Variants in USP9X observed in about 807,000 individuals in gnomAD.
USP9X encodes the protein ubiquitin carboxyl-terminal hydrolase 9X.
In USP9X, 7 loss-of-function variants were observed where a neutral mutation model predicts 190.3. That is an observed-to-expected ratio of 0.04 (90% CI 0.02 to 0.07). USP9X has a LOEUF of 0.07. Among genes scored for constraint, USP9X ranks in the 10% least tolerant of loss-of-function variants. The pLI, the probability that USP9X is intolerant of heterozygous loss-of-function variation, is 1.00. For missense variants in USP9X, 1,010 were observed against 1,916.9 expected (o/e 0.53, Z 8.83); for synonymous variants, 645 against 659.5 (o/e 0.98, Z 0.34).
intron 14 of USP9X, among the ~76,000 whole-genome samples, chrX:41,153,322 T>C (rs902081510): frequency 8.9e-6 from 1 of 111,837 alleles, no homozygotes; most frequent in Non-Finnish European, 1.9e-5. Flanking sequence ...CTGCCTTTTT[T>C]ACGATTGATC....
At chrX:41,160,007 A>G (rs1218295519) in intron 14 of USP9X, among the ~76,000 whole-genome samples, 2 of 106,065 alleles carry the variant, frequency 1.9e-5, no homozygotes, top group East Asian at 5.9e-4. Flanking sequence ...GTACTTTATG[A>G]CTCGATGTTT....
chrX:41,214,744 C>T lies in USP9X; in HGVS notation c.5331+35C>T, dbSNP rs772898818. The T allele has an allele frequency of 8.6e-6, 10 of 1,161,462 alleles. No homozygotes were observed. The South Asian group carries it at 1.6e-4, about 19-fold the overall frequency. ...GTCCAGTTTTGTTTAATTTTGATTA[C>T]ATTTAATGGATTTAGAAGAAATTGG... is the stretch of plus-strand genomic sequence containing the variant. On this transcript the variant is annotated intron_variant, in intron 34 of 44. Coordinates refer to ENST00000378308, the MANE Select transcript of USP9X (RefSeq NM_001039591.3).
intron 38 of USP9X, among the ~76,000 whole-genome samples, chrX:41,222,210 G>A (rs943654756): frequency 8.9e-6 from 1 of 111,854 alleles, no homozygotes; most frequent in African/African-American, 3.3e-5. Context: ...CGTGAGCGTG[G>A]GCTAGATCAT....
chrX:41,195,245 T>C (rs1328715415), intron 26 of USP9X, among the ~76,000 whole-genome samples: 7 of 110,618 alleles, frequency 6.3e-5, no homozygotes, highest in Non-Finnish European at 9.5e-5. Context: ...CCATGTTGGC[T>C]AGGATGGTCT....
Position 41,189,481 on chromosome X carries a change from T to C in USP9X, c.3977+6T>C. 8.5e-7 allele frequency: 1 copy of C among 1,179,191 alleles called. No homozygotes were observed. The highest frequency in any genetic ancestry group is 1.1e-6 in the Non-Finnish European group (1 of 878,055). Reference sequence around the variant, plus strand: ...CTATTGCACTGTCACAGCAAGTAAGTATCTTTTTTAATTGTAAGAAACTTA... The same window carrying C: ...CTATTGCACTGTCACAGCAAGTAAGCATCTTTTTTAATTGTAAGAAACTTA... On this transcript the variant is annotated splice_donor_region_variant and intron_variant, in intron 26 of 44. Transcript: ENST00000378308.
chrX:41,214,567 G>T lies in USP9X; in HGVS notation c.5190-1G>T. 8.7e-7 allele frequency: 1 copy of T among 1,155,675 alleles called. No homozygotes were observed. Among genetic ancestry groups the T allele is most frequent in the Non-Finnish European group, 1.1e-6 (1 of 873,190 alleles). ...AAATCCTTTTTTTAAATCGTTTTTAGGTACGAATGTGAAGAATCTTTTACG... is the reference window on the plus strand; with the variant it reads ...AAATCCTTTTTTTAAATCGTTTTTATGTACGAATGTGAAGAATCTTTTACG... On this transcript the variant is annotated splice_acceptor_variant, in intron 33 of 44. Transcript: ENST00000378308. LOFTEE classifies it high-confidence loss of function.
chrX:41,151,623 G>A (rs1220592045), intron 13 of USP9X, among the ~76,000 whole-genome samples: 2 of 112,249 alleles, frequency 1.8e-5, no homozygotes, highest in Non-Finnish European at 3.8e-5. Context: ...TCACAGTGGA[G>A]TCAGGATTCC....
intron 32 of USP9X, among the ~76,000 whole-genome samples, chrX:41,208,466 A>T (rs1445353714): frequency 8.9e-6 from 1 of 111,809 alleles, no homozygotes; most frequent in Admixed American, 9.5e-5. Flanking sequence ...GATTATCCAC[A>T]CTTTAGACAC....
At chrX:41,160,684 A>T (rs952123885) in intron 14 of USP9X, among the ~76,000 whole-genome samples, 4 of 112,052 alleles carry the variant, frequency 3.6e-5, no homozygotes, top group East Asian at 2.8e-4. Flanking sequence ...CACAATGCTT[A>T]GACTGATCTA....
intron 1 of USP9X, among the ~76,000 whole-genome samples, chrX:41,088,140 C>A (rs2146900503): frequency 8.9e-6 from 1 of 111,760 alleles, no homozygotes. Flanking sequence ...CGTGCCATCA[C>A]GCCCGGCTAA....
rs753420785 is a variant in USP9X at position 41,109,635 on chromosome X, T to A, written c.-158-13836T>A. 7.1e-5 allele frequency among the ~76,000 whole-genome samples: 8 copies of A among 112,361 alleles called. No individual in the cohort carries two copies. In the East Asian group the frequency reaches 1.1e-3, roughly 16 times the overall value. On this transcript the variant is annotated intron_variant, in intron 1 of 44. Coordinates refer to ENST00000378308, the MANE Select transcript of USP9X (RefSeq NM_001039591.3). ...GGTGTGTATGTGTGTGTGAATAGTG[T>A]TGGAAATAAAATACGAGCATTTAGC...
At chrX:41,213,839 C>T (rs746949677) in intron 33 of USP9X, among the ~76,000 whole-genome samples, 42 of 111,909 alleles carry the variant, frequency 3.8e-4, no homozygotes, top group African/African-American at 1.2e-3. Flanking sequence ...ACCTTTTTTC[C>T]GGAGTTTAAA....
In USP9X at chrX:41,232,518, T is replaced by C; in HGVS notation, c.7659T>C (p.Asp2553=). 1 of 1,209,963 alleles carries C rather than the reference T, an allele frequency of 8.3e-7. No individual in the cohort carries two copies. Among genetic ancestry groups the C allele is most frequent in the Non-Finnish European group, 1.1e-6 (1 of 894,675 alleles). Residue 2553 remains aspartate (D), a synonymous_variant, in exon 45 of 45, where the codon GAT becomes GAC. Transcript: ENST00000378308. ...SEEVSPPQTK[D]Q is the part of the protein sequence containing the mutation. The stretch of plus-strand genomic sequence containing the variant: ...AAGTATCCCCACCTCAAACCAAGGA[T>C]CAATGAAATGCACATAATTAACTGG...
intron 1 of USP9X, among the ~76,000 whole-genome samples, chrX:41,109,900 GA>G (rs1326509895): frequency 8.9e-6 from 1 of 111,757 alleles, no homozygotes; most frequent in Non-Finnish European, 1.9e-5. Context: ...ACTAGGAAAA[GA>G]AAAGCTTTTA....
At chrX:41,203,971 T>C (rs2147209177) in intron 31 of USP9X, among the ~76,000 whole-genome samples, 1 of 112,110 alleles carries the variant, frequency 8.9e-6, no homozygotes, top group East Asian at 2.8e-4. Context: ...GTGCTGGGAT[T>C]ATAGGCATGA....
chrX:41,198,488 A>G lies in USP9X; in HGVS notation c.4381-40A>G, dbSNP rs776362622. ...GAGAACTTTTTTTTTCTAAAAATAT[A>G]TAGCATTGCTAATATGTAATCCCTT... On this transcript the variant is annotated intron_variant, in intron 29 of 44. Coordinates refer to ENST00000378308, the MANE Select transcript of USP9X (RefSeq NM_001039591.3). 4.8e-6 allele frequency: 5 copies of G among 1,034,823 alleles called. No individual in the cohort carries two copies. The African/African-American group carries it at 5.7e-5, about 12-fold the overall frequency. 85.3% of individuals were successfully genotyped at this position (1,034,823 alleles called of 1,213,427 possible).
chrX:41,136,827 T>C lies in USP9X; in HGVS notation c.459T>C (p.His153=), dbSNP rs759710049. The change falls in exon 6 of 45, where the codon CAT becomes CAC. Residue 153 remains histidine (H), a synonymous_variant. Transcript: ENST00000378308. The part of the protein sequence containing the change: ...EIHRCIINNT[H]RLVELCVAKL... ...AGAGGTGTATTATTAACAATACTCA[T>C]CGTCTGGTGGAGCTATGTGTGGCCA... 1.7e-6 allele frequency: 2 copies of C among 1,210,920 alleles called. No homozygotes were observed. The highest frequency in any genetic ancestry group is 2.2e-6 in the Non-Finnish European group (2 of 894,620).
At chrX:41,107,296 G>A (rs2062077812) in intron 1 of USP9X, among the ~76,000 whole-genome samples, 1 of 112,535 alleles carries the variant, frequency 8.9e-6, no homozygotes. Flanking sequence ...TGGGATTACA[G>A]GCGTGAGCCA....
At chrX:41,143,905 A>C (rs781138638) in intron 10 of USP9X, among the ~76,000 whole-genome samples, 1 of 111,903 alleles carries the variant, frequency 8.9e-6, no homozygotes, top group Non-Finnish European at 1.9e-5. Context: ...AACTCCTTCT[A>C]TTATCTTAAT....
Sources: gnomAD v4.1 joint callset for allele counts (sites outside exome capture counted in the v4.1 genomes callset) on GRCh38, gnomAD v4.1.1 for gene constraint, MANE v1.5 for transcripts, NCBI Gene and HGNC (gene_info 2026-07-23, HGNC 2026-07-21) for gene names.